Variants in SPON1 observed in about 807,000 individuals in gnomAD.
SPON1 encodes spondin 1.
A neutral mutation model predicts 111.7 loss-of-function variants in SPON1; 52 were observed. That is an observed-to-expected ratio of 0.47 (90% CI 0.37 to 0.59). The LOEUF (loss-of-function observed/expected upper bound fraction) is 0.59, where lower values mean the gene tolerates loss of function less well. Among genes scored for constraint, SPON1 ranks in the 20% least tolerant of loss-of-function variants. The probability of loss-of-function intolerance (pLI) is 0.00; values close to 1 mark genes in which losing one functional copy is unlikely to be tolerated. For missense variants in SPON1, 957 were observed against 1,068.5 expected (o/e 0.90, Z 1.46); for synonymous variants, 410 against 395.8 (o/e 1.04, Z -0.43).
chr11:14,254,793 C>G, intron 8 of SPON1, 64 bp downstream of exon 8: 4 of 1,504,938 alleles, frequency 2.7e-6, no homozygotes, highest in Non-Finnish European at 3.7e-6. Context: ...GTGTCCTGGA[C>G]ACAGAGGGGA....
At chr11:14,170,358 T>C (rs1353531722) in intron 6 of SPON1, among the ~76,000 whole-genome samples, 2 of 152,206 alleles carry the variant, frequency 1.3e-5, no homozygotes, top group South Asian at 2.1e-4. Flanking sequence ...ATCCTGAGAC[T>C]TTGCTGAAGT....
intron 6 of SPON1, among the ~76,000 whole-genome samples, chr11:14,147,569 C>T (rs188291934): frequency 6.6e-6 from 1 of 151,796 alleles, no homozygotes; most frequent in African/African-American, 2.4e-5. Context: ...AGGCACCCAC[C>T]ACCAGCCTGG....
chr11:13,999,424 CTT>C (rs11411530), intron 2 of SPON1, among the ~76,000 whole-genome samples: 25 of 142,512 alleles, frequency 1.8e-4, no homozygotes, highest in Admixed American at 3.5e-4. Flanking sequence ...CATTTTCTTT[CTT>C]TTTTTTTTTT....
intron 6 of SPON1, among the ~76,000 whole-genome samples, chr11:14,172,043 T>C (rs2133882383): frequency 6.6e-6 from 1 of 152,334 alleles, no homozygotes; most frequent in Middle Eastern, 3.4e-3. Context: ...TTCCTGGATA[T>C]CCTTGTTAAC....
intron 2 of SPON1, among the ~76,000 whole-genome samples, chr11:14,015,570 T>G (rs934168369): frequency 6.6e-6 from 1 of 152,236 alleles, no homozygotes; most frequent in African/African-American, 2.4e-5. Context: ...TTAAATTAGT[T>G]TATTAAGATG....
At chr11:14,162,464 A>G (rs1042548223) in intron 6 of SPON1, among the ~76,000 whole-genome samples, 5 of 152,224 alleles carry the variant, frequency 3.3e-5, no homozygotes, top group Non-Finnish European at 7.3e-5. Context: ...AATCATGCCA[A>G]TAATTTATCA....
intron 6 of SPON1, among the ~76,000 whole-genome samples, chr11:14,210,613 T>C (rs1263061252): frequency 6.6e-6 from 1 of 152,122 alleles, no homozygotes; most frequent in Non-Finnish European, 1.5e-5. Flanking sequence ...TTGACCAAGC[T>C]GGTCTCAATC....
At chr11:14,223,868 G>A (rs1333739604) in intron 6 of SPON1, among the ~76,000 whole-genome samples, 1 of 152,216 alleles carries the variant, frequency 6.6e-6, no homozygotes, top group Non-Finnish European at 1.5e-5. Context: ...AAACACTGGG[G>A]GGTCCAGGTC....
In SPON1 at chr11:14,047,773, TAGAC is replaced by T. The variant is rs1338328735; in HGVS notation, c.479+6124_479+6127del. On this transcript the variant is annotated intron_variant, in intron 3 of 15. Transcript: ENST00000576479. ...CAAACATGGCAGCCCTAGAAGACAG[TAGAC>T]AGACCTTTCAAGATTAAAAAGCCTT... Among the ~76,000 whole-genome samples, 49 of 152,154 alleles carry T rather than the reference TAGAC, an allele frequency of 3.2e-4. 1 individual carries two copies. Among genetic ancestry groups the T allele is most frequent in the Admixed American group, 3.2e-3 (49 of 15,282 alleles).
At chr11:14,107,922 C>G (rs201127849) in intron 5 of SPON1, among the ~76,000 whole-genome samples, 1 of 152,164 alleles carries the variant, frequency 6.6e-6, no homozygotes, top group Non-Finnish European at 1.5e-5. Context: ...GAATCTGAGA[C>G]TTACTAGAGG....
chr11:14,027,270 C>T (rs1254294874), intron 2 of SPON1, among the ~76,000 whole-genome samples: 2 of 152,188 alleles, frequency 1.3e-5, no homozygotes, highest in Non-Finnish European at 2.9e-5. Context: ...TGCCTCTTTC[C>T]AAAATTCCAA....
chr11:14,009,194 A>G (rs919321815), intron 2 of SPON1, among the ~76,000 whole-genome samples: 2 of 152,226 alleles, frequency 1.3e-5, no homozygotes, highest in African/African-American at 2.4e-5. Context: ...ATGTTTGTTG[A>G]AGGTATTCAC....
chr11:14,199,560 C>G (rs1554935401), intron 6 of SPON1, among the ~76,000 whole-genome samples: 1 of 152,150 alleles, frequency 6.6e-6, no homozygotes, highest in African/African-American at 2.4e-5. Context: ...CTGCCTTTTC[C>G]CAATCTCCCT....
chr11:14,135,575 C>A lies in SPON1; in HGVS notation c.825+7C>A. On this transcript the variant is annotated splice_region_variant and intron_variant, in intron 6 of 15. Coordinates refer to ENST00000576479, the MANE Select transcript of SPON1 (RefSeq NM_006108.4). The surrounding 1 kb of genome is among the most constrained non-coding windows in gnomAD (Gnocchi z 4.4). ...GGAAGAAATTCGACAACAGGTAAGACAAAAAAATCACAGAATGACCAAATA... is the reference window on the plus strand; with the variant it reads ...GGAAGAAATTCGACAACAGGTAAGAAAAAAAAATCACAGAATGACCAAATA... The A allele has an allele frequency of 6.2e-7, 1 of 1,609,892 alleles. No individual in the cohort carries two copies. Among genetic ancestry groups the A allele is most frequent in the Non-Finnish European group, 8.5e-7 (1 of 1,177,638 alleles).
At chr11:13,982,717 C>G (rs941949675) in intron 1 of SPON1, 130 bp from the exon 2 acceptor site, 1 of 668,102 alleles carries the variant, frequency 1.5e-6, no homozygotes, top group Admixed American at 2.4e-5. Flanking sequence ...GGATGAAGGC[C>G]TCAACACTGT....
chr11:14,080,261 C>T (rs1172502286), intron 5 of SPON1, among the ~76,000 whole-genome samples: 2 of 151,160 alleles, frequency 1.3e-5, no homozygotes, highest in Non-Finnish European at 2.9e-5. Flanking sequence ...TGGAGTCTCG[C>T]TCTGTTGCCG....
chr11:14,097,547 C>G (rs1380702608), intron 5 of SPON1, among the ~76,000 whole-genome samples: 2 of 152,040 alleles, frequency 1.3e-5, no homozygotes, highest in African/African-American at 4.8e-5. Flanking sequence ...ATTTATTGTA[C>G]CTCTATGTTT....
chr11:14,147,109 A>G (rs189678350), intron 6 of SPON1, among the ~76,000 whole-genome samples: 1,876 of 128,284 alleles, frequency 0.015, 15 homozygotes, highest in Middle Eastern at 0.049. Context: ...GGCTCACTGC[A>G]GCCTCCACCT....
intron 6 of SPON1, among the ~76,000 whole-genome samples, chr11:14,163,103 T>A (rs1375750235): frequency 6.6e-6 from 1 of 152,214 alleles, no homozygotes; most frequent in Non-Finnish European, 1.5e-5. Flanking sequence ...CTTCTTCCAA[T>A]CTAAATATCA....
Sources: gnomAD v4.1 joint callset for allele counts (sites outside exome capture counted in the v4.1 genomes callset) on GRCh38, gnomAD v4.1.1 for gene constraint, Gnocchi (gnomAD v3.1) non-coding constraint, MANE v1.5 for transcripts, NCBI Gene and HGNC (gene_info 2026-07-23, HGNC 2026-07-21) for gene names.